Variants in SLC27A2 observed in about 807,000 individuals in gnomAD.
SLC27A2 encodes solute carrier family 27 member 2.
A neutral mutation model predicts 60.0 loss-of-function variants in SLC27A2; 54 were observed. That is an observed-to-expected ratio of 0.90 (90% CI 0.72 to 1.13). The LOEUF is 1.13. Ranked by LOEUF, SLC27A2 falls within the 50% of genes most tolerant of loss-of-function variation. SLC27A2 has a pLI of 0.00. For synonymous variants in SLC27A2, 297 were observed against 297.6 expected (o/e 1.00, Z 0.02); for missense variants, 739 against 777.6 (o/e 0.95, Z 0.59).
intron 4 of SLC27A2, among the ~76,000 whole-genome samples, chr15:50,217,137 T>C (rs1042841363): frequency 1.8e-4 from 28 of 152,144 alleles, no homozygotes; most frequent in African/African-American, 5.5e-4. Context: ...ACTACAAATA[T>C]GGTGCAGTGT....
chr15:50,188,305 A>T (rs2044942004), intron 1 of SLC27A2, among the ~76,000 whole-genome samples: 1 of 152,202 alleles, frequency 6.6e-6, no homozygotes, highest in African/African-American at 2.4e-5. Context: ...GAGATGCTTC[A>T]TTAAAGGATA....
At chr15:50,204,720 G>A (rs182311238) in intron 3 of SLC27A2, among the ~76,000 whole-genome samples, 219 of 151,208 alleles carry the variant, frequency 1.4e-3, no homozygotes, top group Admixed American at 4.2e-3. Flanking sequence ...GTGACAGAGC[G>A]AGACTCTGTC....
chr15:50,235,973 G>A lies in SLC27A2; in HGVS notation c.1740G>A (p.Glu580=), dbSNP rs1567440610. The A allele has an allele frequency of 6.2e-7, 1 of 1,613,994 alleles. No individual in the cohort carries two copies. Among genetic ancestry groups the A allele is most frequent in the Non-Finnish European group, 8.5e-7 (1 of 1,179,968 alleles). Residue 580 remains glutamate (E), a synonymous_variant, in exon 10 of 10, where the codon GAG becomes GAA. Coordinates refer to ENST00000267842, the MANE Select transcript of SLC27A2 (RefSeq NM_003645.4). ...AACACCGCAAAATGACCCTGGTGGA[G>A]GAGGGCTTTAACCCTGCTGTCATCA... is the stretch of plus-strand genomic sequence containing the variant. ...TFKHRKMTLV[E]EGFNPAVIKD... is the part of the protein sequence containing the mutation.
In SLC27A2 at chr15:50,182,787, G is replaced by A. The variant is rs1367612346; in HGVS notation, c.360G>A (p.Leu120=). The change falls in exon 1 of 10, where the codon CTG becomes CTA. Residue 120 remains leucine (L), a synonymous_variant. Transcript: ENST00000267842. ...GTAACGAGCCGGCCTACGTGTGGCT[G>A]TGGCTGGGGCTGGTGAAGCTGGGCT... The part of the protein sequence containing the change: ...LMGNEPAYVW[L]WLGLVKLGCA... 6.2e-7 allele frequency: 1 copy of A among 1,613,728 alleles called. No homozygotes were observed. The highest frequency in any genetic ancestry group is 1.3e-5 in the African/African-American group (1 of 74,946).
rs765132607 is a variant in SLC27A2, at chr15:50,227,031, G to T, written c.1310G>T (p.Gly437Val). 2.5e-5 allele frequency: 41 copies of T among 1,614,062 alleles called. No individual in the cohort carries two copies. Among genetic ancestry groups the T allele is most frequent in the Non-Finnish European group, 3.3e-5 (39 of 1,180,028 alleles). Residue 437 changes from glycine (G) to valine (V), a missense_variant, in exon 7 of 10, where the codon GGC becomes GTC. Transcript: ENST00000267842. The part of the protein sequence containing the change: ...CKITQLTPFN[G>V]YAGAKAQTEK... ...ATCACACAACTTACACCATTTAATG[G>T]CTATGCTGGAGCAAAGGCTCAGACA...
At chr15:50,215,271 G>A (rs866356963) in intron 4 of SLC27A2, among the ~76,000 whole-genome samples, 2 of 151,880 alleles carry the variant, frequency 1.3e-5, no homozygotes, top group African/African-American at 4.8e-5. Context: ...GAGTCAAAAG[G>A]CCTCTACATA....
chr15:50,186,626 A>G (rs2044926105), intron 1 of SLC27A2, among the ~76,000 whole-genome samples: 1 of 152,104 alleles, frequency 6.6e-6, no homozygotes, highest in Non-Finnish European at 1.5e-5. Flanking sequence ...ATCAGTAGAG[A>G]TGGGGTTTCA....
intron 1 of SLC27A2, among the ~76,000 whole-genome samples, chr15:50,192,233 T>C (rs986560819): frequency 3.9e-5 from 6 of 152,314 alleles, no homozygotes; most frequent in Middle Eastern, 3.4e-3. Flanking sequence ...AAGGCTTCCA[T>C]AGTGTGTCCA....
At chr15:50,222,914 A>C (rs1234208647) in intron 4 of SLC27A2, 51 bp from the exon 5 acceptor site, 1 of 1,395,102 alleles carries the variant, frequency 7.2e-7, no homozygotes, top group Admixed American at 2.2e-5. Flanking sequence ...ATATGTAAGC[A>C]TAGGCTCCAG....
At chr15:50,225,024 G>A (rs183168109) in intron 5 of SLC27A2, among the ~76,000 whole-genome samples, 1,734 of 151,762 alleles carry the variant, frequency 0.011, 47 homozygotes, top group Non-Finnish European at 9.3e-3. Context: ...TTAAAAACCG[G>A]ATGATCCCAT....
intron 8 of SLC27A2, among the ~76,000 whole-genome samples, chr15:50,231,270 C>T (rs1303865145): frequency 6.6e-6 from 1 of 151,676 alleles, no homozygotes; most frequent in Non-Finnish European, 1.5e-5. Context: ...GCCTCAGCCT[C>T]CTGAGTAGCT....
intron 1 of SLC27A2, chr15:50,191,033 A>G (rs2044968934): frequency 6.6e-6 from 1 of 152,238 alleles, no homozygotes; most frequent in East Asian, 1.9e-4. Flanking sequence ...TGGCTCATAC[A>G]AGGAGGTGGG....
intron 2 of SLC27A2, among the ~76,000 whole-genome samples, chr15:50,199,956 T>C (rs1278253807): frequency 6.6e-6 from 1 of 152,212 alleles, no homozygotes; most frequent in Admixed American, 6.5e-5. Flanking sequence ...CTTGTAAACA[T>C]TAATTAAAAG....
intron 1 of SLC27A2, chr15:50,191,032 C>T (rs572056792): frequency 1.3e-5 from 2 of 152,310 alleles, no homozygotes; most frequent in South Asian, 2.1e-4. Context: ...ATGGCTCATA[C>T]AAGGAGGTGG....
At chr15:50,224,326 G>A (rs2045264559) in intron 5 of SLC27A2, among the ~76,000 whole-genome samples, 1 of 152,172 alleles carries the variant, frequency 6.6e-6, no homozygotes, top group African/African-American at 2.4e-5. Context: ...TGTAATCCCA[G>A]CTACTCGGGA....
intron 9 of SLC27A2, among the ~76,000 whole-genome samples, chr15:50,234,313 C>A (rs928899605): frequency 6.6e-6 from 1 of 152,028 alleles, no homozygotes; most frequent in Non-Finnish European, 1.5e-5. Flanking sequence ...AAAGGCCAAA[C>A]GCGGTGGCTC....
chr15:50,197,725 G>A lies in SLC27A2; in HGVS notation c.688+16G>A, dbSNP rs779705317. 4 of 1,582,552 alleles carry A rather than the reference G, an allele frequency of 2.5e-6. No homozygotes were observed. Among genetic ancestry groups the A allele is most frequent in the Non-Finnish European group, 3.5e-6 (4 of 1,153,404 alleles). ...GGAACCACAGGTAAAAATAAAGGGGGGATTCTCCAAAAAAATTAATCTGAA... is the reference window on the plus strand; with the variant it reads ...GGAACCACAGGTAAAAATAAAGGGGAGATTCTCCAAAAAAATTAATCTGAA... On this transcript the variant is annotated intron_variant, in intron 2 of 9. Coordinates refer to ENST00000267842, the MANE Select transcript of SLC27A2 (RefSeq NM_003645.4).
intron 3 of SLC27A2, among the ~76,000 whole-genome samples, chr15:50,204,338 C>T (rs1019121483): frequency 6.6e-6 from 1 of 151,952 alleles, no homozygotes; most frequent in Non-Finnish European, 1.5e-5. Flanking sequence ...ATGATGGTGT[C>T]CACCTGTAAT....
chr15:50,214,222 A>T (rs1023112727), intron 4 of SLC27A2, among the ~76,000 whole-genome samples: 3 of 152,172 alleles, frequency 2.0e-5, no homozygotes, highest in Admixed American at 6.5e-5. Flanking sequence ...AGAGCTAGAT[A>T]CATTCCTGGA....
Sources: gnomAD v4.1 joint callset for allele counts (sites outside exome capture counted in the v4.1 genomes callset) on GRCh38, gnomAD v4.1.1 for gene constraint, MANE v1.5 for transcripts, NCBI Gene and HGNC (gene_info 2026-07-23, HGNC 2026-07-21) for gene names.